The following PEAK1 variants were observed in gnomAD, a reference collection of about 807,000 sequenced individuals.
PEAK1 encodes the protein pseudopodium enriched atypical kinase 1.
Under a neutral mutation model 124.7 loss-of-function variants are expected in PEAK1, and 54 were observed. That is an observed-to-expected ratio of 0.43 (90% CI 0.35 to 0.54). The LOEUF (loss-of-function observed/expected upper bound fraction) is 0.54. Ranked by LOEUF, PEAK1 falls within the 20% of genes least tolerant of loss-of-function variation. The pLI, the probability that PEAK1 is intolerant of heterozygous loss-of-function variation, is 0.01. For missense variants in PEAK1, 2,046 were observed against 2,134.5 expected, an observed-to-expected ratio of 0.96 and a Z score of 0.82; for synonymous variants, 719 against 760.0, an observed-to-expected ratio of 0.95 and a Z score of 0.89.
In PEAK1 at chr15:77,108,232, G is replaced by C. The variant is rs189945532; in HGVS notation, c.*5924C>G. ...ACGGAGTACACAGCAAAGTACCACA[G>C]CAAACCAAAGGGTGGCACCACTGCT... On this transcript the variant is annotated 3_prime_UTR_variant, in exon 10 of 10. Transcript: ENST00000682557. 4.6e-5 allele frequency: 7 copies of C among 152,330 alleles called. No individual in the cohort carries two copies. The highest frequency in any genetic ancestry group is 1.3e-4 in the Admixed American group (2 of 15,308). The allele number at this position is 152,330 out of a possible 1,614,324, so 9.4% of individuals were successfully genotyped here.
chr15:77,335,863 C>T (rs1597344361), intron 2 of PEAK1: 1 of 985,356 alleles, frequency 1.0e-6, no homozygotes, highest in East Asian at 1.1e-4. Context: ...TTCAAAGAGA[C>T]TTGACAACAT....
chr15:77,185,793 G>A (rs2057515873), intron 6 of PEAK1, among the ~76,000 whole-genome samples: 1 of 152,164 alleles, frequency 6.6e-6, no homozygotes, highest in Non-Finnish European at 1.5e-5. Flanking sequence ...ATTGGGGAAA[G>A]ATACAGGCCA....
At chr15:77,411,707 GTAAT>G (rs2072429540) in intron 1 of PEAK1, among the ~76,000 whole-genome samples, 1 of 152,116 alleles carries the variant, frequency 6.6e-6, no homozygotes, top group African/African-American at 2.4e-5. Flanking sequence ...CTGGACTCAA[GTAAT>G]CCTCCTGCCT....
At chr15:77,301,299 T>C (rs1397850059) in intron 2 of PEAK1, among the ~76,000 whole-genome samples, 1 of 152,166 alleles carries the variant, frequency 6.6e-6, no homozygotes, top group Non-Finnish European at 1.5e-5. Context: ...CTGCCTGTTA[T>C]CTTCTGTGTC....
intron 2 of PEAK1, chr15:77,331,132 C>CTTAT: frequency 1.8e-6 from 1 of 566,062 alleles, no homozygotes; most frequent in Non-Finnish European, 2.2e-6. Flanking sequence ...AAAATTTTTA[C>CTTAT]TTATTTATTT....
At chr15:77,218,470 C>A (rs534245434) in intron 6 of PEAK1, among the ~76,000 whole-genome samples, 2 of 151,698 alleles carry the variant, frequency 1.3e-5, no homozygotes, top group African/African-American at 4.8e-5. Flanking sequence ...ACACTGCAAC[C>A]CTGGGATGAT....
At position 77,178,997 on chromosome 15, in the gene PEAK1, G is replaced by A. The variant is rs369795636; in HGVS notation, c.2930C>T (p.Ala977Val). 56 of 1,613,912 alleles carry A rather than the reference G, an allele frequency of 3.5e-5. No individual in the cohort carries two copies. The highest frequency in any genetic ancestry group is 2.1e-5 in the Non-Finnish European group (25 of 1,180,008). The change falls in exon 7 of 10, where the codon GCG (alanine) becomes GTG (valine). Residue 977 changes from alanine (A) to valine (V), a missense_variant. Physicochemically the swap from Ala to Val is moderately conservative, Grantham distance 64 (BLOSUM62 0). Transcript: ENST00000682557. ...PVQRHHWFTEAKGESSEKPAI... is the reference protein window; with the variant it reads ...PVQRHHWFTEVKGESSEKPAI... ...TGGTTTCTCACTGGACTCTCCTTTCGCCTCTGTGAACCAGTGATGGCGCTG... is the reference window on the plus strand; with the variant it reads ...TGGTTTCTCACTGGACTCTCCTTTCACCTCTGTGAACCAGTGATGGCGCTG...
At chr15:77,275,027 G>A (rs975690454) in intron 5 of PEAK1, among the ~76,000 whole-genome samples, 3 of 152,132 alleles carry the variant, frequency 2.0e-5, no homozygotes, top group African/African-American at 7.2e-5. Flanking sequence ...AACCTAGATG[G>A]AACTGGAGAC....
chr15:77,198,558 T>C (rs1351860763), intron 6 of PEAK1, among the ~76,000 whole-genome samples: 3 of 152,208 alleles, frequency 2.0e-5, no homozygotes, highest in Non-Finnish European at 2.9e-5. Context: ...ATGAAGTTCA[T>C]GAGCCATCAA....
At chr15:77,196,284 A>T (rs527978335) in intron 6 of PEAK1, among the ~76,000 whole-genome samples, 44 of 152,310 alleles carry the variant, frequency 2.9e-4, no homozygotes, top group Admixed American at 1.4e-3. Context: ...GATTTTCCTC[A>T]AATGTTGTTA....
chr15:77,265,143 A>T (rs1233809103), intron 5 of PEAK1, among the ~76,000 whole-genome samples: 3 of 152,190 alleles, frequency 2.0e-5, no homozygotes, highest in Non-Finnish European at 4.4e-5. Flanking sequence ...ACCTAAAACC[A>T]TAAAAACCCT....
In PEAK1 at chr15:77,113,099, G is replaced by A. The variant is rs1334436007; in HGVS notation, c.*1057C>T. On this transcript the variant is annotated 3_prime_UTR_variant, in exon 10 of 10. Transcript: ENST00000682557. ...CCATCCCAACAGCCCACCTCACTGTGCCCTCTAAAGGAGATCTTAGAGCTC... is the reference window on the plus strand; with the variant it reads ...CCATCCCAACAGCCCACCTCACTGTACCCTCTAAAGGAGATCTTAGAGCTC... 6.6e-6 allele frequency: 1 copy of A among 152,310 alleles called. No individual in the cohort carries two copies. The highest frequency in any genetic ancestry group is 1.5e-5 in the Non-Finnish European group (1 of 68,124). The allele number at this position is 152,310 out of a possible 1,614,324, so 9.4% of individuals were successfully genotyped here. A position where few individuals can be genotyped will look rare whatever the true frequency, so the allele number is the denominator to read the frequency against.
chr15:77,127,440 T>A (rs1416227732), intron 9 of PEAK1, among the ~76,000 whole-genome samples: 1 of 152,110 alleles, frequency 6.6e-6, no homozygotes, highest in African/African-American at 2.4e-5. Flanking sequence ...TTGAGATGCA[T>A]GTGAGGAAAA....
At chr15:77,135,731 C>A (rs1415320103) in intron 8 of PEAK1, among the ~76,000 whole-genome samples, 1 of 152,074 alleles carries the variant, frequency 6.6e-6, no homozygotes, top group Non-Finnish European at 1.5e-5. Flanking sequence ...AGAGGAGTTC[C>A]CCTGCACACG....
chr15:77,419,111 A>G (rs1475500309), intron 1 of PEAK1: 7 of 985,434 alleles, frequency 7.1e-6, no homozygotes, highest in African/African-American at 1.7e-5. Context: ...CAGCCTTCCA[A>G]TAACTCCATT....
intron 5 of PEAK1, among the ~76,000 whole-genome samples, chr15:77,279,755 T>C (rs531740130): frequency 6.6e-6 from 1 of 152,330 alleles, no homozygotes; most frequent in African/African-American, 2.4e-5. Flanking sequence ...TTGTATGCTG[T>C]TAATGATTTT....
At chr15:77,313,704 A>ATG (rs1555478140) in intron 2 of PEAK1, among the ~76,000 whole-genome samples, 3 of 112,446 alleles carry the variant, frequency 2.7e-5, no homozygotes, top group South Asian at 2.6e-4. Flanking sequence ...ATATATATAT[A>ATG]TGTATGTGTG....
At chr15:77,248,599 C>T (rs1368234999) in intron 6 of PEAK1, among the ~76,000 whole-genome samples, 1 of 152,110 alleles carries the variant, frequency 6.6e-6, no homozygotes, top group East Asian at 1.9e-4. Context: ...TGAAAAGACA[C>T]CATCTATGAA....
intron 2 of PEAK1, among the ~76,000 whole-genome samples, chr15:77,330,328 A>G (rs2065821519): frequency 2.0e-5 from 3 of 152,144 alleles, no homozygotes; most frequent in Non-Finnish European, 4.4e-5. Context: ...GGTTATTACA[A>G]TCACCTCTTA....
Sources: allele counts gnomAD v4.1 joint callset (sites outside exome capture counted in the v4.1 genomes callset), GRCh38; gene constraint gnomAD v4.1.1; transcripts MANE v1.5; gene names NCBI Gene and HGNC (gene_info 2026-07-23, HGNC 2026-07-21).